Variants in FRAS1 observed in about 807,000 individuals in gnomAD.
FRAS1 encodes Fraser extracellular matrix complex subunit 1, also known as extracellular matrix organizing protein FRAS1.
FRAS1 carries 290 observed loss-of-function variants against 435.2 expected under a neutral mutation model. That is an observed-to-expected ratio of 0.67 (90% CI 0.61 to 0.73). The LOEUF (loss-of-function observed/expected upper bound fraction) is 0.73, where lower values mean the gene tolerates loss of function less well. FRAS1 is among the 30% of genes least tolerant of loss of function. The pLI, the probability that FRAS1 is intolerant of heterozygous loss-of-function variation, is 0.00. For missense variants in FRAS1, 4,860 were observed against 5,001.5 expected (o/e 0.97, Z 0.85); for synonymous variants, 1,800 against 1,851.0 (o/e 0.97, Z 0.71).
At chr4:78,385,711 C>T (rs193249176) in intron 28 of FRAS1, among the ~76,000 whole-genome samples, 30 of 152,020 alleles carry the variant, frequency 2.0e-4, no homozygotes, top group African/African-American at 5.5e-4. Context: ...ATGGTGAAAC[C>T]GCGTCTCTAC....
intron 3 of FRAS1, among the ~76,000 whole-genome samples, chr4:78,244,721 T>C (rs777011549): frequency 2.6e-5 from 4 of 152,204 alleles, no homozygotes; most frequent in Non-Finnish European, 5.9e-5. Context: ...TACCACAGTG[T>C]GTATATATGA....
intron 2 of FRAS1, among the ~76,000 whole-genome samples, chr4:78,133,629 A>AC (rs1261650327): frequency 2.0e-5 from 3 of 152,238 alleles, no homozygotes; most frequent in Non-Finnish European, 2.9e-5. Context: ...CATCTCATGT[A>AC]CCCCATAAAT....
At position 78,456,120 on chromosome 4, in the gene FRAS1, C is replaced by T. The variant is rs559588177; in HGVS notation, c.6763+3766C>T. Among the ~76,000 whole-genome samples the T allele has an allele frequency of 7.5e-5, 11 of 145,878 alleles. No homozygotes were observed. In the South Asian group the frequency reaches 2.4e-3, roughly 32 times the overall value. The stretch of plus-strand genomic sequence containing the variant: ...ATCCATTTTGGTTTTAGGAGCATTA[C>T]TTGAAGAACACATGTCACTTTTTTT... On this transcript the variant is annotated intron_variant, in intron 47 of 73. Coordinates refer to ENST00000512123, the MANE Select transcript of FRAS1 (RefSeq NM_025074.7).
At chr4:78,336,871 T>C (rs1175607532) in intron 19 of FRAS1, among the ~76,000 whole-genome samples, 2 of 152,222 alleles carry the variant, frequency 1.3e-5, no homozygotes, top group Non-Finnish European at 2.9e-5. Flanking sequence ...TGCTTCCATG[T>C]GCTTGCTCCT....
intron 33 of FRAS1, among the ~76,000 whole-genome samples, chr4:78,420,303 A>G (rs922099314): frequency 6.6e-6 from 1 of 152,220 alleles, no homozygotes; most frequent in Non-Finnish European, 1.5e-5. Flanking sequence ...CTGCTAAGTC[A>G]TAGCTAACGG....
At chr4:78,386,343 T>A (rs934421838) in intron 28 of FRAS1, among the ~76,000 whole-genome samples, 1 of 152,102 alleles carries the variant, frequency 6.6e-6, no homozygotes, top group Admixed American at 6.5e-5. Context: ...TTTGACATCA[T>A]CTTTGACTTT....
chr4:78,517,798 A>G (rs1252400667), intron 66 of FRAS1, among the ~76,000 whole-genome samples: 1 of 152,192 alleles, frequency 6.6e-6, no homozygotes, highest in Admixed American at 6.5e-5. Context: ...AAGGAGGATA[A>G]ACAAAAACAA....
chr4:78,115,186 A>T lies in FRAS1; in HGVS notation c.108+49170A>T, dbSNP rs541561001. On this transcript the variant is annotated intron_variant, in intron 2 of 73. Transcript: ENST00000512123. Reference sequence around the variant, plus strand: ...GCATCCCAGGGATGAAGCCCACTTGATCATGGTGGATACGCTTATTGATGT... The same window carrying T: ...GCATCCCAGGGATGAAGCCCACTTGTTCATGGTGGATACGCTTATTGATGT... 5.3e-5 allele frequency among the ~76,000 whole-genome samples: 8 copies of T among 151,264 alleles called. No individual in the cohort carries two copies. The East Asian group carries it at 1.5e-3, about 29-fold the overall frequency.
intron 58 of FRAS1, among the ~76,000 whole-genome samples, chr4:78,483,754 G>T (rs1342855471): frequency 1.1e-5 from 1 of 87,658 alleles, no homozygotes; most frequent in Non-Finnish European, 2.3e-5. Context: ...TTATCCTTCA[G>T]GAGAAAAAAA....
At chr4:78,388,149 C>A (rs1453265286) in intron 29 of FRAS1, among the ~76,000 whole-genome samples, 1 of 151,724 alleles carries the variant, frequency 6.6e-6, no homozygotes, top group Non-Finnish European at 1.5e-5. Flanking sequence ...CACGGTGAAA[C>A]CCCGTCTCTA....
intron 2 of FRAS1, among the ~76,000 whole-genome samples, chr4:78,218,098 T>TCTCTCACACACACACA (rs368430185): frequency 2.5e-5 from 1 of 39,728 alleles, no homozygotes; most frequent in Non-Finnish European, 4.6e-5. Flanking sequence ...TCACTCTCTC[T>TCTCTCACACACACACA]CACACACACA....
At chr4:78,442,030 A>C (rs1734678021) in intron 41 of FRAS1, among the ~76,000 whole-genome samples, 1 of 152,216 alleles carries the variant, frequency 6.6e-6, no homozygotes, top group Admixed American at 6.5e-5. Flanking sequence ...GAGCACCAGC[A>C]CTGGGCTCTA....
intron 35 of FRAS1, among the ~76,000 whole-genome samples, chr4:78,426,058 C>A (rs1220742552): frequency 6.6e-6 from 1 of 152,016 alleles, no homozygotes; most frequent in Non-Finnish European, 1.5e-5. Context: ...CCATTGCACT[C>A]TAGCTGGGTG....
At chr4:78,272,454 T>A (rs1278521197) in intron 9 of FRAS1, among the ~76,000 whole-genome samples, 1 of 152,328 alleles carries the variant, frequency 6.6e-6, no homozygotes, top group East Asian at 1.9e-4. Flanking sequence ...GGTCTGCCAT[T>A]TAAGTCTTTA....
chr4:78,415,313 A>G (rs933309280), intron 32 of FRAS1, among the ~76,000 whole-genome samples: 1 of 152,212 alleles, frequency 6.6e-6, no homozygotes, highest in Non-Finnish European at 1.5e-5. Context: ...CATCACAACT[A>G]AGGAACTTAC....
rs746766578 is a variant in FRAS1, at chr4:78,400,765, C to T, written c.4007C>T (p.Ser1336Leu). The change falls in exon 30 of 74, where the codon TCG (serine) becomes TTG (leucine). Residue 1336 changes from serine to leucine, a missense_variant. By Grantham distance (145) the Ser-to-Leu change is moderately radical (BLOSUM62 -2). Transcript: ENST00000512123. ...AGGGGTCTTCAGCTTGTGGCTAATT[C>T]GATGGTGTGGGTTCCAGAAGGGGGG... The part of the protein sequence containing the change: ...NDRGLQLVAN[S>L]MVWVPEGGML... 2.4e-5 allele frequency: 38 copies of T among 1,612,808 alleles called. No individual in the cohort carries two copies. The highest frequency in any genetic ancestry group is 1.1e-4 in the South Asian group (10 of 90,814).
intron 22 of FRAS1, among the ~76,000 whole-genome samples, chr4:78,364,403 C>A (rs1731188113): frequency 1.3e-5 from 2 of 152,142 alleles, no homozygotes; most frequent in Admixed American, 1.3e-4. Flanking sequence ...CATTCTATGA[C>A]CCTAGGCAGA....
At chr4:78,125,702 G>A (rs1479568309) in intron 2 of FRAS1, among the ~76,000 whole-genome samples, 1 of 152,224 alleles carries the variant, frequency 6.6e-6, no homozygotes, top group African/African-American at 2.4e-5. Flanking sequence ...GGTATCACCA[G>A]TGGAAGCTGC....
rs772878348 is a variant in FRAS1, at chr4:78,451,812, G to A, written c.6504G>A (p.Gly2168=). 1.2e-6 allele frequency: 2 copies of A among 1,612,616 alleles called. No individual in the cohort carries two copies. Among genetic ancestry groups the A allele is most frequent in the African/African-American group, 2.7e-5 (2 of 74,986 alleles). ...EYSHGTGEPG[G]SFAFKFDVVD... ...GTCATGGAACAGGAGAACCTGGAGG[G>A]AGCTTTGCTTTTAAATTTGATGTGG... The change falls in exon 46 of 74, where the codon GGG becomes GGA. Residue 2168 remains glycine, a synonymous_variant. Coordinates refer to ENST00000512123, the MANE Select transcript of FRAS1 (RefSeq NM_025074.7).
Sources: gnomAD v4.1 joint callset for allele counts (sites outside exome capture counted in the v4.1 genomes callset) on GRCh38, gnomAD v4.1.1 for gene constraint, MANE v1.5 for transcripts, NCBI Gene and HGNC (gene_info 2026-07-23, HGNC 2026-07-21) for gene names.